Variants in THSD7A observed in about 807,000 individuals in gnomAD.
THSD7A encodes the protein thrombospondin type-1 domain-containing protein 7A.
In THSD7A, 96 loss-of-function variants were observed where a neutral mutation model predicts 231.3. The ratio of observed to expected loss-of-function variants is 0.41; its 90% CI spans 0.35 to 0.49. THSD7A has a LOEUF of 0.49. THSD7A is among the 20% of genes least tolerant of loss of function. The pLI is 0.05. For synonymous variants in THSD7A, 940 were observed against 743.3 expected (o/e 1.26, Z -4.30); for missense variants, 2,290 against 2,070.2 (o/e 1.11, Z -2.06).
At chr7:11,515,601 A>G (rs980990648) in intron 6 of THSD7A, among the ~76,000 whole-genome samples, 7 of 152,130 alleles carry the variant, frequency 4.6e-5, no homozygotes, top group African/African-American at 1.7e-4. Context: ...ATTACCAAAC[A>G]CACAGCTATT....
chr7:11,383,272 C>G (rs1041136939), intron 23 of THSD7A, among the ~76,000 whole-genome samples: 2 of 151,922 alleles, frequency 1.3e-5, no homozygotes, highest in African/African-American at 4.8e-5. Flanking sequence ...TGAAATACTT[C>G]TAAGTGATTT....
intron 1 of THSD7A, among the ~76,000 whole-genome samples, chr7:11,716,592 A>G (rs1343852723): frequency 6.6e-6 from 1 of 150,990 alleles, no homozygotes; most frequent in Non-Finnish European, 1.5e-5. Context: ...TAAATTCTTC[A>G]GTGAAATAAT....
At chr7:11,790,719 A>G (rs961257215) in intron 1 of THSD7A, among the ~76,000 whole-genome samples, 2 of 151,970 alleles carry the variant, frequency 1.3e-5, no homozygotes, top group African/African-American at 4.8e-5. Context: ...TCAGTTATCC[A>G]TATATAGGTA....
intron 1 of THSD7A, among the ~76,000 whole-genome samples, chr7:11,780,749 T>G (rs932260129): frequency 2.0e-5 from 3 of 152,100 alleles, no homozygotes; most frequent in African/African-American, 7.2e-5. Flanking sequence ...TTAGAGTATG[T>G]TTTTTTAGAC....
At chr7:11,470,022 C>T (rs1785872652) in intron 8 of THSD7A, 28 bp from the exon 9 acceptor site, 3 of 1,422,414 alleles carry the variant, frequency 2.1e-6, no homozygotes, top group African/African-American at 1.4e-5. Context: ...AATTATTAGG[C>T]TTCAATAGTA....
At chr7:11,459,151 A>C (rs7792678) in intron 11 of THSD7A, among the ~76,000 whole-genome samples, 29,870 of 151,924 alleles carry the variant, frequency 0.2, 4,415 homozygotes, top group African/African-American at 0.41. Context: ...TTGTGCATCT[A>C]TTATGAAAAT....
chr7:11,666,675 C>T (rs916032221), intron 1 of THSD7A, among the ~76,000 whole-genome samples: 1 of 103,904 alleles, frequency 9.6e-6, no homozygotes, highest in Non-Finnish European at 1.9e-5. Context: ...GATGATGAAA[C>T]TGTTTTTTGA....
intron 1 of THSD7A, among the ~76,000 whole-genome samples, chr7:11,643,822 A>C (rs1317750922): frequency 6.6e-6 from 1 of 152,056 alleles, no homozygotes; most frequent in South Asian, 2.1e-4. Flanking sequence ...CCATTGCTAT[A>C]CATCAGTCAG....
chr7:11,655,446 A>C (rs1782668019), intron 1 of THSD7A, among the ~76,000 whole-genome samples: 1 of 151,760 alleles, frequency 6.6e-6, no homozygotes, highest in African/African-American at 2.4e-5. Context: ...CTTCTCTAAG[A>C]ATTCTAATCT....
At chr7:11,809,533 G>C (rs1784476513) in intron 1 of THSD7A, among the ~76,000 whole-genome samples, 1 of 152,250 alleles carries the variant, frequency 6.6e-6, no homozygotes, top group African/African-American at 2.4e-5. Flanking sequence ...ATTGCAGGAA[G>C]ATTTTCATAG....
chr7:11,682,567 G>A (rs1275924921), intron 1 of THSD7A, among the ~76,000 whole-genome samples: 1 of 152,080 alleles, frequency 6.6e-6, no homozygotes, highest in East Asian at 1.9e-4. Context: ...ATTATCTTAA[G>A]TATATAGAAA....
At chr7:11,669,579 T>C (rs1783290766) in intron 1 of THSD7A, among the ~76,000 whole-genome samples, 1 of 151,970 alleles carries the variant, frequency 6.6e-6, no homozygotes. Context: ...ACTCTATTTT[T>C]TGGTTATGGT....
intron 4 of THSD7A, among the ~76,000 whole-genome samples, chr7:11,577,999 G>C (rs1790993203): frequency 6.6e-6 from 1 of 152,024 alleles, no homozygotes; most frequent in Admixed American, 6.6e-5. Context: ...CTTTAGAAAA[G>C]GTCTATTTTT....
At chr7:11,431,273 C>G (rs975723447) in intron 13 of THSD7A, among the ~76,000 whole-genome samples, 4 of 152,164 alleles carry the variant, frequency 2.6e-5, no homozygotes, top group African/African-American at 9.7e-5. Flanking sequence ...AATCCACTAC[C>G]AAAGTCAAGG....
rs532681403 is a variant in THSD7A at position 11,652,433 on chromosome 7, A to G, written c.191-15472T>C. ...ACACTGTAAAGCCTGCCTTAATGCA[A>G]TGGCATTAATTATGCATTGCCATGT... On this transcript the variant is annotated intron_variant, in intron 1 of 27. Transcript: ENST00000423059. 1.1e-4 allele frequency among the ~76,000 whole-genome samples: 17 copies of G among 152,132 alleles called. No homozygotes were observed. The South Asian group carries it at 3.5e-3, about 31-fold the overall frequency.
At chr7:11,424,582 C>CT in intron 16 of THSD7A, 114 bp downstream of exon 16, 1 of 1,454,710 alleles carries the variant, frequency 6.9e-7, no homozygotes, top group South Asian at 1.3e-5. Context: ...AAAAGCAAAA[C>CT]TGCAGACAAT....
chr7:11,698,406 A>G (rs1160782605), intron 1 of THSD7A, among the ~76,000 whole-genome samples: 1 of 151,270 alleles, frequency 6.6e-6, no homozygotes, highest in Non-Finnish European at 1.5e-5. Context: ...TAATTTATTC[A>G]CTGCTGCAAG....
intron 6 of THSD7A, among the ~76,000 whole-genome samples, chr7:11,510,438 T>C (rs1330332390): frequency 6.6e-6 from 1 of 152,150 alleles, no homozygotes; most frequent in Non-Finnish European, 1.5e-5. Context: ...ACCAGCATCA[T>C]CCTGATACCA....
chr7:11,418,491 C>G (rs1784034956), intron 16 of THSD7A, among the ~76,000 whole-genome samples: 1 of 152,096 alleles, frequency 6.6e-6, no homozygotes, highest in Non-Finnish European at 1.5e-5. Context: ...AAAGGTCAGC[C>G]AACTTAATGG....
Sources: gnomAD v4.1 joint callset for allele counts (sites outside exome capture counted in the v4.1 genomes callset) on GRCh38, gnomAD v4.1.1 for gene constraint, MANE v1.5 for transcripts, NCBI Gene and HGNC (gene_info 2026-07-23, HGNC 2026-07-21) for gene names.